Variants in TG observed in about 807,000 individuals in gnomAD.
TG encodes the protein thyroglobulin, also known as thyroid hormones.
Under a neutral mutation model 324.7 loss-of-function variants are expected in TG, and 270 were observed. The observed-to-expected ratio is 0.83, with a 90% confidence interval of 0.75 to 0.92. The LOEUF (loss-of-function observed/expected upper bound fraction) is 0.92. TG is among the 40% of genes least tolerant of loss of function. TG has a pLI of 0.00. For missense variants in TG, 3,591 were observed against 3,456.4 expected, an observed-to-expected ratio of 1.04 and a Z score of -0.98; for synonymous variants, 1,401 against 1,327.0, an observed-to-expected ratio of 1.06 and a Z score of -1.21.
At chr8:133,078,104 A>G (rs1845182061) in intron 41 of TG, among the ~76,000 whole-genome samples, 1 of 152,152 alleles carries the variant, frequency 6.6e-6, no homozygotes, top group African/African-American at 2.4e-5. Context: ...GTACACATCT[A>G]AGAAGCTGCT....
In TG at chr8:133,133,557, G is replaced by C. The variant is rs756459399; in HGVS notation, c.8085G>C (p.Glu2695Asp). The change falls in exon 47 of 48, where the codon GAG becomes GAC. Residue 2695 changes from glutamate to aspartate, a missense_variant. Coordinates refer to ENST00000220616, the MANE Select transcript of TG (RefSeq NM_003235.5). ...WPDFVPRAGG[E>D]NYKEFSELLP... ...ACTTTGTACCCCGTGCTGGTGGAGA[G>C]AACTACAAGGAGTTCAGTGAGCTGC... The C allele has an allele frequency of 1.9e-6, 3 of 1,614,210 alleles. No homozygotes were observed. The highest frequency in any genetic ancestry group is 4.5e-5 in the East Asian group (2 of 44,886).
intron 35 of TG, chr8:132,995,212 G>A (rs1280335985): frequency 2.1e-6 from 2 of 956,292 alleles, no homozygotes; most frequent in Non-Finnish European, 2.5e-6. Context: ...GTTTCTTTAA[G>A]GTAGAATTCA....
intron 46 of TG, 129 bp downstream of exon 46, chr8:133,132,075 C>A (rs577801844): frequency 7.2e-7 from 1 of 1,385,654 alleles, no homozygotes; most frequent in Admixed American, 1.7e-5. Flanking sequence ...TAATCACCAG[C>A]CACTGGCCTC....
At chr8:132,890,106 A>G (rs1816017261) in intron 10 of TG, among the ~76,000 whole-genome samples, 1 of 146,112 alleles carries the variant, frequency 6.8e-6, no homozygotes, top group South Asian at 2.2e-4. Context: ...GAGTGTTAGA[A>G]CTAGACTTAG....
rs1166337678 is a variant in TG at position 133,058,301 on chromosome 8, C to T, written c.7239+28278C>T. On this transcript the variant is annotated intron_variant, in intron 41 of 47. Coordinates refer to ENST00000220616, the MANE Select transcript of TG (RefSeq NM_003235.5). Reference sequence around the variant, plus strand: ...TTGATGTGGTTGCCTGGATCACAAACGGGGTATGACCAGGGGAATTCTCTT... The same window carrying T: ...TTGATGTGGTTGCCTGGATCACAAATGGGGTATGACCAGGGGAATTCTCTT... Among the ~76,000 whole-genome samples, 8 of 152,056 alleles carry T rather than the reference C, an allele frequency of 5.3e-5. 1 individual carries two copies. Among genetic ancestry groups the T allele is most frequent in the African/African-American group, 7.2e-5 (3 of 41,412 alleles).
intron 18 of TG, among the ~76,000 whole-genome samples, chr8:132,910,103 T>A (rs1819291630): frequency 6.6e-6 from 1 of 152,324 alleles, no homozygotes; most frequent in Admixed American, 6.5e-5. Flanking sequence ...AAATGACAAC[T>A]ATATGAACAC....
chr8:133,076,494 T>G (rs1333435521), intron 41 of TG, among the ~76,000 whole-genome samples: 1 of 152,188 alleles, frequency 6.6e-6, no homozygotes, highest in Non-Finnish European at 1.5e-5. Flanking sequence ...AAAGGAACTA[T>G]TGCAAAAGAC....
chr8:133,097,921 G>A (rs1848668897), intron 43 of TG, among the ~76,000 whole-genome samples: 1 of 152,190 alleles, frequency 6.6e-6, no homozygotes, highest in Non-Finnish European at 1.5e-5. Flanking sequence ...CATGTGAGCA[G>A]CGATAGAGTT....
rs560584913 is a variant in TG, at chr8:132,876,586, T to G, written c.638+3365T>G. ...GGTTTGCACTTGAATTTGGCAATGA[T>G]GTTTGCCCATCTGAAGTAGGTCCTT... On this transcript the variant is annotated intron_variant, in intron 5 of 47. Transcript: ENST00000220616. 2.0e-5 allele frequency among the ~76,000 whole-genome samples: 3 copies of G among 152,318 alleles called. No homozygotes were observed. In the East Asian group the frequency reaches 5.8e-4, roughly 29 times the overall value.
Position 133,116,660 on chromosome 8 carries a change from G to C in TG, c.7806G>C (p.Lys2602Asn). ...PIIDMASAWA[K>N]RARGNVFMYH... ...TCGACATGGCCAGTGCCTGGGCAAA[G>C]AGGGCCCGAGGAAACGTCTTCATGT... Residue 2602 changes from lysine (K) to asparagine (N), a missense_variant, in exon 45 of 48, where the codon AAG becomes AAC. Physicochemically the swap from Lys to Asn is moderately conservative, Grantham distance 94. Transcript: ENST00000220616. The C allele has an allele frequency of 6.2e-7, 1 of 1,614,268 alleles. No homozygotes were observed. The highest frequency in any genetic ancestry group is 1.1e-5 in the South Asian group (1 of 91,088).
At chr8:133,078,379 C>G (rs908414565) in intron 41 of TG, among the ~76,000 whole-genome samples, 19 of 152,278 alleles carry the variant, frequency 1.2e-4, no homozygotes, top group Admixed American at 9.8e-4. Flanking sequence ...CAACAGAGGC[C>G]CAGCCAGGGA....
chr8:133,044,287 A>G (rs1838879231), intron 41 of TG, among the ~76,000 whole-genome samples: 1 of 152,078 alleles, frequency 6.6e-6, no homozygotes. Context: ...TCTCTCTGGC[A>G]GTATCCTACA....
rs1229863498 is a variant in TG, at chr8:132,911,375, A to G, written c.4003-2A>G. On this transcript the variant is annotated splice_acceptor_variant, in intron 18 of 47. Coordinates refer to ENST00000220616, the MANE Select transcript of TG (RefSeq NM_003235.5). LOFTEE classifies it high-confidence loss of function. ...GAGCTGAAAGTGTCTGTCTTCTTGT[A>G]GGTGAAGACTTTTGGCACCCTGGTT... is the stretch of plus-strand genomic sequence containing the variant. The G allele has an allele frequency of 6.2e-7, 1 of 1,614,062 alleles. No homozygotes were observed. The highest frequency in any genetic ancestry group is 8.5e-7 in the Non-Finnish European group (1 of 1,180,030).
rs1359831943 is a variant in TG, at chr8:132,948,886, T to C, written c.5344T>C (p.Tyr1782His). The C allele has an allele frequency of 6.2e-7, 1 of 1,614,072 alleles. No homozygotes were observed. Among genetic ancestry groups the C allele is most frequent in the Admixed American group, 1.7e-5 (1 of 60,018 alleles). The change falls in exon 27 of 48, where the codon TAT becomes CAT. Residue 1782 changes from tyrosine to histidine, a missense_variant. Transcript: ENST00000220616. ...WANATCPGVT[Y>H]DQESHQVILR... ...TAATGCTACATGTCCTGGTGTGACA[T>C]ATGACCAGGAGAGCCACCAGGTGAT...
Position 132,886,976 on chromosome 8 carries a change from C to T in TG, c.1604C>T (p.Pro535Leu). The change falls in exon 9 of 48, where the codon CCT becomes CTT. Residue 535 changes from proline (P) to leucine (L), a missense_variant. Physicochemically the swap from Pro to Leu is moderately conservative, Grantham distance 98. Transcript: ENST00000220616. ...GLDSNSSTGTPEAAKKDGTMN... is the reference protein window; with the variant it reads ...GLDSNSSTGTLEAAKKDGTMN... The stretch of plus-strand genomic sequence containing the variant: ...GATTCAAATTCTTCCACAGGAACCC[C>T]TGAAGCTGCTAAGAAGGATGGTACT... The T allele has an allele frequency of 6.2e-7, 1 of 1,614,174 alleles. No individual in the cohort carries two copies. Among genetic ancestry groups the T allele is most frequent in the African/African-American group, 1.3e-5 (1 of 75,040 alleles).
At chr8:132,965,312 C>T (rs1158125770) in intron 29 of TG, among the ~76,000 whole-genome samples, 2 of 152,148 alleles carry the variant, frequency 1.3e-5, no homozygotes, top group Non-Finnish European at 2.9e-5. Flanking sequence ...TCTGACCTTT[C>T]CAAGTACTCA....
chr8:132,897,939 T>C (rs1817358678), intron 12 of TG, among the ~76,000 whole-genome samples, 153 bp downstream of exon 12: 5 of 152,204 alleles, frequency 3.3e-5, no homozygotes, highest in Admixed American at 3.3e-4. Flanking sequence ...CCTCCAGTTA[T>C]CTCACTTGTG....
intron 5 of TG, among the ~76,000 whole-genome samples, chr8:132,876,776 A>G (rs1187477621): frequency 1.3e-5 from 2 of 152,242 alleles, no homozygotes; most frequent in African/African-American, 4.8e-5. Context: ...CTGACCAAGC[A>G]GATCATAAGT....
At chr8:133,010,121 A>C (rs2130878574) in intron 35 of TG, among the ~76,000 whole-genome samples, 1 of 152,330 alleles carries the variant, frequency 6.6e-6, no homozygotes, top group South Asian at 2.1e-4. Context: ...CTGCATAGGA[A>C]ACTCAGACAG....
Sources: allele counts gnomAD v4.1 joint callset (sites outside exome capture counted in the v4.1 genomes callset), GRCh38; gene constraint gnomAD v4.1.1; transcripts MANE v1.5; gene names NCBI Gene and HGNC (gene_info 2026-07-23, HGNC 2026-07-21).